The following CREM variants were observed in gnomAD, a reference collection of about 807,000 sequenced individuals.
CREM encodes cAMP-responsive element modulator.
CREM carries 13 observed loss-of-function variants against 37.3 expected under a neutral mutation model. That is an observed-to-expected ratio of 0.35 (90% CI 0.23 to 0.55). The LOEUF (loss-of-function observed/expected upper bound fraction) is 0.55, where lower values mean the gene tolerates loss of function less well. Ranked by LOEUF, CREM falls within the 20% of genes least tolerant of loss-of-function variation. The probability of loss-of-function intolerance (pLI) is 0.88; values close to 1 mark genes in which losing one functional copy is unlikely to be tolerated. For synonymous variants in CREM, 124 were observed against 120.2 expected (o/e 1.03, Z -0.21); for missense variants, 296 against 362.3 (o/e 0.82, Z 1.49).
intron 3 of CREM, chr10:35,148,713 G>A: frequency 2.2e-6 from 1 of 447,898 alleles, no homozygotes; most frequent in Admixed American, 4.2e-5. Flanking sequence ...ACTATGGAAG[G>A]AAAAACAAAA....
At chr10:35,176,634 C>G (rs529422381) in intron 3 of CREM, among the ~76,000 whole-genome samples, 14 of 152,130 alleles carry the variant, frequency 9.2e-5, no homozygotes, top group Admixed American at 7.2e-4. Flanking sequence ...TGGTCTTGAT[C>G]TCCTGACCTC....
rs767879762 is a variant in CREM, at chr10:35,148,348, C to T, written c.45-20C>T. On this transcript the variant is annotated intron_variant, in intron 2 of 7. Coordinates refer to ENST00000685392, the MANE Select transcript of CREM (RefSeq NM_183011.2). The stretch of plus-strand genomic sequence containing the variant: ...TTAAGATAGGGCCTTAATTTGTCTT[C>T]CTTTTTATTGTCTTTTCAGACAAAT... The T allele has an allele frequency of 6.2e-6, 10 of 1,600,098 alleles. No individual in the cohort carries two copies. The highest frequency in any genetic ancestry group is 1.8e-5 in the Admixed American group (1 of 57,082).
At chr10:35,197,952 A>C (rs1366071232) in intron 6 of CREM, among the ~76,000 whole-genome samples, 2 of 152,138 alleles carry the variant, frequency 1.3e-5, no homozygotes, top group Non-Finnish European at 2.9e-5. Flanking sequence ...TATCACGGCA[A>C]AGTGGACCTA....
chr10:35,137,955 T>C (rs1839066090), intron 2 of CREM, 76 bp downstream of exon 2: 7 of 1,122,344 alleles, frequency 6.2e-6, no homozygotes, highest in Non-Finnish European at 9.0e-6. Context: ...AATTGATATA[T>C]AGATGTACAC....
intron 6 of CREM, among the ~76,000 whole-genome samples, chr10:35,190,691 G>A (rs1310307178): frequency 6.6e-6 from 1 of 151,768 alleles, no homozygotes; most frequent in Non-Finnish European, 1.5e-5. Context: ...TTGAGATGGA[G>A]TCTCGCTCTG....
At chr10:35,132,201 CAAAAAAAAAAAA>C (rs374078423) in intron 1 of CREM, among the ~76,000 whole-genome samples, 1 of 49,208 alleles carries the variant, frequency 2.0e-5, no homozygotes, top group Non-Finnish European at 4.4e-5. Flanking sequence ...ACTTGAGTCT[CAAAAAAAAAAAA>C]AAAAGAAAAA....
intron 3 of CREM, among the ~76,000 whole-genome samples, chr10:35,160,507 T>G (rs963996829): frequency 6.6e-6 from 1 of 152,188 alleles, no homozygotes; most frequent in Non-Finnish European, 1.5e-5. Context: ...CAAGTGATCC[T>G]CCTGTCTCAG....
At chr10:35,167,620 C>A in intron 3 of CREM, 2 of 1,055,536 alleles carry the variant, frequency 1.9e-6, no homozygotes, top group Admixed American at 1.9e-5. Flanking sequence ...TTATAAGTGT[C>A]ACTATTAGGG....
chr10:35,130,910 AATG>A (rs2089243311), intron 1 of CREM, among the ~76,000 whole-genome samples: 1 of 152,230 alleles, frequency 6.6e-6, no homozygotes, highest in Admixed American at 6.5e-5. Flanking sequence ...TACAAAGTAA[AATG>A]ATATCTATTT....
In CREM at chr10:35,196,570, A is replaced by T. The variant is rs2095175819; in HGVS notation, c.598+8182A>T. The T allele has an allele frequency of 2.6e-5, 4 of 153,926 alleles. No individual in the cohort carries two copies. In the South Asian group the frequency reaches 5.9e-4, roughly 23 times the overall value. The allele number at this position is 153,926 out of a possible 1,614,324, so 9.5% of individuals were successfully genotyped here. ...TAAAACCTGTATTACATTGTTTTTAAAACTGTCTTGAGGAACTATTTTTTT... is the reference window on the plus strand; with the variant it reads ...TAAAACCTGTATTACATTGTTTTTATAACTGTCTTGAGGAACTATTTTTTT... On this transcript the variant is annotated intron_variant, in intron 6 of 7. Transcript: ENST00000685392.
chr10:35,195,726 T>C, intron 6 of CREM: 1 of 372,094 alleles, frequency 2.7e-6, no homozygotes, highest in Non-Finnish European at 5.0e-6. Flanking sequence ...TACTTGTTTC[T>C]TTCCTCCTGT....
At chr10:35,188,714 C>A (rs990500753) in intron 6 of CREM, among the ~76,000 whole-genome samples, 3 of 147,110 alleles carry the variant, frequency 2.0e-5, no homozygotes, top group African/African-American at 7.6e-5. Context: ...GGCTGGAGTA[C>A]AATGGCGTGA....
At chr10:35,134,999 C>T (rs546270766) in intron 1 of CREM, among the ~76,000 whole-genome samples, 1 of 151,294 alleles carries the variant, frequency 6.6e-6, no homozygotes, top group South Asian at 2.1e-4. Context: ...GATGGTGCCA[C>T]TGCACTCCAG....
intron 3 of CREM, chr10:35,175,483 T>C: frequency 1.7e-6 from 1 of 573,986 alleles, no homozygotes. Context: ...TATCTCCAAT[T>C]TCTCTGAAGA....
chr10:35,197,806 T>G (rs367649601), intron 6 of CREM, among the ~76,000 whole-genome samples: 7 of 152,250 alleles, frequency 4.6e-5, no homozygotes, highest in African/African-American at 1.7e-4. Flanking sequence ...GTTAAGGGAC[T>G]TTTTTGAAGG....
At chr10:35,203,291 C>T (rs577938542) in intron 6 of CREM, among the ~76,000 whole-genome samples, 1 of 152,226 alleles carries the variant, frequency 6.6e-6, no homozygotes, top group South Asian at 2.1e-4. Flanking sequence ...AGTGAACCTC[C>T]TACCTTGGCC....
At chr10:35,194,678 A>T (rs1026319800) in intron 6 of CREM, among the ~76,000 whole-genome samples, 1 of 151,808 alleles carries the variant, frequency 6.6e-6, no homozygotes, top group Non-Finnish European at 1.5e-5. Context: ...AGGTGGCTGG[A>T]TATTTCTTGG....
intron 7 of CREM, chr10:35,210,771 G>C (rs540892705): frequency 2.0e-5 from 3 of 152,386 alleles, no homozygotes; most frequent in Non-Finnish European, 4.4e-5. Context: ...GTTTTACTGA[G>C]ATTTAGTTTT....
chr10:35,176,129 A>G (rs971945325), intron 3 of CREM: 6 of 1,317,318 alleles, frequency 4.6e-6, no homozygotes, highest in Non-Finnish European at 6.1e-6. Context: ...TATTTGGAGG[A>G]ATCTCTTCTC....
Sources: allele counts gnomAD v4.1 joint callset (sites outside exome capture counted in the v4.1 genomes callset), GRCh38; gene constraint gnomAD v4.1.1; transcripts MANE v1.5; gene names NCBI Gene and HGNC (gene_info 2026-07-23, HGNC 2026-07-21).